ECPAS: variants seen among roughly 807,000 people sequenced by gnomAD.
ECPAS encodes the protein proteasome adapter and scaffold protein ECM29.
A neutral mutation model predicts 255.1 loss-of-function variants in ECPAS; 70 were observed. That is an observed-to-expected ratio of 0.27 (90% confidence interval 0.23 to 0.33). ECPAS has a LOEUF of 0.33. Ranked by LOEUF, ECPAS falls within the 10% of genes least tolerant of loss-of-function variation. The probability of loss-of-function intolerance (pLI) is 1.00; values close to 1 mark genes in which losing one functional copy is unlikely to be tolerated. For missense variants in ECPAS, 1,817 were observed against 2,206.4 expected (o/e 0.82, Z 3.54); for synonymous variants, 784 against 775.0 (o/e 1.01, Z -0.19).
chr9:111,398,932 G>GT (rs2098171480), intron 24 of ECPAS, among the ~76,000 whole-genome samples: 1 of 150,954 alleles, frequency 6.6e-6, no homozygotes, highest in African/African-American at 2.4e-5. Flanking sequence ...GTGAGACTCC[G>GT]TCTCAAAAAA....
chr9:111,461,326 G>T (rs376726023), intron 2 of ECPAS, among the ~76,000 whole-genome samples: 2 of 151,740 alleles, frequency 1.3e-5, no homozygotes, highest in Admixed American at 1.3e-4. Context: ...TTAGCTGGGC[G>T]TGGTGGCGTG....
intron 7 of ECPAS, among the ~76,000 whole-genome samples, 173 bp downstream of exon 7, chr9:111,436,767 T>C (rs1435151478): frequency 6.6e-6 from 1 of 152,256 alleles, no homozygotes; most frequent in African/African-American, 2.4e-5. Context: ...TCCCTGCCCC[T>C]AGGGCTTAAT....
At chr9:111,404,034 A>G (rs1293498717) in intron 24 of ECPAS, among the ~76,000 whole-genome samples, 1 of 149,900 alleles carries the variant, frequency 6.7e-6, no homozygotes, top group East Asian at 2.0e-4. Flanking sequence ...AAAAATTAAG[A>G]AAGAAAAATT....
chr9:111,427,430 A>G (rs1564538158), intron 10 of ECPAS, among the ~76,000 whole-genome samples: 1 of 152,164 alleles, frequency 6.6e-6, no homozygotes, highest in Non-Finnish European at 1.5e-5. Context: ...GAGAAAAGCC[A>G]CACATAAAAA....
chr9:111,482,447 A>G (rs1564575418), intron 1 of ECPAS, among the ~76,000 whole-genome samples: 2 of 152,242 alleles, frequency 1.3e-5, no homozygotes, highest in Non-Finnish European at 2.9e-5. Context: ...CATGTATATA[A>G]AAGTGGCTTT....
chr9:111,378,105 C>T (rs987469521), intron 36 of ECPAS, among the ~76,000 whole-genome samples: 1 of 151,984 alleles, frequency 6.6e-6, no homozygotes, highest in Non-Finnish European at 1.5e-5. Context: ...GAGATGGTGC[C>T]ACTGCACTCC....
At chr9:111,365,227 G>A (rs1005292370) in intron 48 of ECPAS, among the ~76,000 whole-genome samples, 2 of 151,922 alleles carry the variant, frequency 1.3e-5, no homozygotes, top group East Asian at 1.9e-4. Flanking sequence ...CCAAGATCAC[G>A]CCACTGCACT....
chr9:111,458,364 A>G (rs1397462304), intron 2 of ECPAS, among the ~76,000 whole-genome samples: 3 of 152,196 alleles, frequency 2.0e-5, no homozygotes, highest in Non-Finnish European at 4.4e-5. Flanking sequence ...TTCTTGTGTA[A>G]TAAAGAATTT....
At position 111,411,131 on chromosome 9, in the gene ECPAS, T is replaced by G. The variant is rs773887108; in HGVS notation, c.2226A>C (p.Ile742=). The G allele has an allele frequency of 2.5e-6, 4 of 1,613,684 alleles. No individual in the cohort carries two copies. Among genetic ancestry groups the G allele is most frequent in the South Asian group, 1.1e-5 (1 of 91,064 alleles). The change falls in exon 22 of 50, where the codon ATA becomes ATC. Residue 742 remains isoleucine, a synonymous_variant. Coordinates refer to ENST00000684092, the MANE Select transcript of ECPAS (RefSeq NM_001364929.1). ...CCAATGCAAGCAAGGATCCATGCTG[T>G]ATCTCCGGGCTCTGAATTTAGCAAA... is the stretch of plus-strand genomic sequence containing the variant. ...KTTKDNHSPE[I]QHGSLLALGF...
In ECPAS at chr9:111,451,131, T is replaced by C. The variant is rs114302691; in HGVS notation, c.153+294A>G. Among the ~76,000 whole-genome samples, 1,445 of 152,322 alleles carry C rather than the reference T, an allele frequency of 9.5e-3. 20 individuals are homozygous for C. The highest frequency in any genetic ancestry group is 0.033 in the African/African-American group (1,383 of 41,562). ...GCCCCATTACCACATGCCTTTCATA[T>C]TGGAATCAATGGCATGGATTTCAGA... On this transcript the variant is annotated intron_variant, in intron 3 of 49. Coordinates refer to ENST00000684092, the MANE Select transcript of ECPAS (RefSeq NM_001364929.1).
At chr9:111,468,689 C>CGTGTGTGTGT (rs141517725) in intron 2 of ECPAS, among the ~76,000 whole-genome samples, 2,059 of 150,010 alleles carry the variant, frequency 0.014, 59 homozygotes, top group African/African-American at 0.047. Context: ...CAAGCTCAAA[C>CGTGTGTGTGT]GTGTGTGTGT....
In ECPAS at chr9:111,398,397, A is replaced by C. The variant is rs756906204; in HGVS notation, c.2653-1244T>G. 5.3e-5 allele frequency among the ~76,000 whole-genome samples: 8 copies of C among 152,346 alleles called. No individual in the cohort carries two copies. The South Asian group carries it at 1.7e-3, about 32-fold the overall frequency. ...CACAGCTGGCATGAAAAACAAAAAC[A>C]AAACTCCACAGCTACATTTATGAAT... On this transcript the variant is annotated intron_variant, in intron 24 of 49. Coordinates refer to ENST00000684092, the MANE Select transcript of ECPAS (RefSeq NM_001364929.1).
intron 5 of ECPAS, 129 bp from the exon 6 acceptor site, chr9:111,440,650 C>T (rs931102842): frequency 3.1e-6 from 2 of 651,292 alleles, no homozygotes; most frequent in Non-Finnish European, 5.1e-6. Flanking sequence ...CTTTTCAACA[C>T]TACTAATTTA....
chr9:111,425,167 CT>C, intron 12 of ECPAS, among the ~76,000 whole-genome samples: 1 of 150,270 alleles, frequency 6.7e-6, no homozygotes, highest in East Asian at 1.9e-4. Context: ...GCCTGGGCAA[CT>C]AGAGCAAAAC....
chr9:111,394,020 G>C (rs1451298895), intron 26 of ECPAS, 140 bp downstream of exon 26: 6 of 881,380 alleles, frequency 6.8e-6, no homozygotes, highest in Non-Finnish European at 1.0e-5. Flanking sequence ...TATACATCAG[G>C]CCACCATCCT....
At position 111,361,005 on chromosome 9, in the gene ECPAS, A is replaced by T. The variant is rs1438397882; in HGVS notation, c.*1025T>A. On this transcript the variant is annotated 3_prime_UTR_variant, in exon 50 of 50. Coordinates refer to ENST00000684092, the MANE Select transcript of ECPAS (RefSeq NM_001364929.1). ...AGGAGGAAAACCCCTAGTGGCAATG[A>T]TTTACTTGGAGTGGTATCATGTTCT... 1 of 152,158 alleles carries T rather than the reference A, an allele frequency of 6.6e-6. No individual in the cohort carries two copies. The allele number at this position is 152,158 out of a possible 1,614,324, so 9.4% of individuals were successfully genotyped here. A position where few individuals can be genotyped will look rare whatever the true frequency, so the allele number is the denominator to read the frequency against.
chr9:111,432,777 T>A (rs187220687), intron 8 of ECPAS, among the ~76,000 whole-genome samples: 1 of 152,374 alleles, frequency 6.6e-6, no homozygotes, highest in African/African-American at 2.4e-5. Flanking sequence ...ATAAGTCTAT[T>A]TCCTATCTGT....
At chr9:111,452,000 G>C (rs2131965550) in intron 2 of ECPAS, among the ~76,000 whole-genome samples, 1 of 152,212 alleles carries the variant, frequency 6.6e-6, no homozygotes, top group Admixed American at 6.5e-5. Context: ...TACTGTATTA[G>C]GGTTACCTAG....
chr9:111,457,963 T>C (rs373568140), intron 2 of ECPAS, among the ~76,000 whole-genome samples: 4 of 152,202 alleles, frequency 2.6e-5, no homozygotes, highest in Admixed American at 6.5e-5. Flanking sequence ...ATCAACCAAC[T>C]AAGGAGAATT....
Sources: gnomAD v4.1 joint callset for allele counts (sites outside exome capture counted in the v4.1 genomes callset) on GRCh38, gnomAD v4.1.1 for gene constraint, MANE v1.5 for transcripts, NCBI Gene and HGNC (gene_info 2026-07-23, HGNC 2026-07-21) for gene names.